PRTG: variants seen among roughly 807,000 people sequenced by gnomAD.
The protein encoded by PRTG is protogenin, also known as immunoglobulin superfamily, DCC subclass, member 5.
PRTG carries 67 observed loss-of-function variants against 122.5 expected under a neutral mutation model. The observed-to-expected ratio is 0.55, with a 90% CI of 0.45 to 0.67. PRTG has a LOEUF of 0.67. Ranked by LOEUF, PRTG falls within the 30% of genes least tolerant of loss-of-function variation. PRTG has a pLI of 0.00. For missense variants in PRTG, 1,435 were observed against 1,415.4 expected (o/e 1.01, Z -0.22); for synonymous variants, 554 against 501.1 (o/e 1.11, Z -1.41).
intron 2 of PRTG, among the ~76,000 whole-genome samples, chr15:55,687,866 T>G (rs1336311276): frequency 6.6e-6 from 1 of 152,194 alleles, no homozygotes; most frequent in Non-Finnish European, 1.5e-5. Flanking sequence ...CCTCTGAGAC[T>G]GAAAGAAAGA....
intron 2 of PRTG, among the ~76,000 whole-genome samples, chr15:55,705,589 G>A (rs950911302): frequency 2.6e-5 from 4 of 151,986 alleles, no homozygotes; most frequent in South Asian, 4.2e-4. Flanking sequence ...GAGTAGCTGC[G>A]ATTACAGGTG....
intron 15 of PRTG, among the ~76,000 whole-genome samples, chr15:55,635,103 G>GTGTGTGTGTGTT (rs1171883359): frequency 1.5e-4 from 17 of 112,858 alleles, no homozygotes; most frequent in East Asian, 2.0e-4. Context: ...GTGTGTGTGT[G>GTGTGTGTGTGTT]TTTTTTGAGA....
At chr15:55,658,927 AC>A (rs1286815276) in intron 11 of PRTG, among the ~76,000 whole-genome samples, 2 of 152,188 alleles carry the variant, frequency 1.3e-5, no homozygotes. Flanking sequence ...TATTTACACA[AC>A]CTACCAAGGA....
chr15:55,666,953 A>T (rs1033669073), intron 11 of PRTG, among the ~76,000 whole-genome samples: 2 of 152,212 alleles, frequency 1.3e-5, no homozygotes, highest in Non-Finnish European at 2.9e-5. Context: ...GCAACAGACA[A>T]GAAACTTATT....
chr15:55,721,811 G>C lies in PRTG; in HGVS notation c.397+18571C>G, dbSNP rs796255533. ...AGGGCAGCAGGAAGGAAAAGAACAA[G>C]AGCTGAGCAAATGGGGAAGCCCTTA... On this transcript the variant is annotated intron_variant, in intron 2 of 19. Transcript: ENST00000389286. Among the ~76,000 whole-genome samples the C allele has an allele frequency of 3.9e-5, 6 of 152,288 alleles. No individual in the cohort carries two copies. The East Asian group carries it at 7.7e-4, about 20-fold the overall frequency.
chr15:55,619,088 G>A lies in PRTG; in HGVS notation c.*924C>T, dbSNP rs2059152983. ...ATACTGGCAAAGTTGAGGATGCTTT[G>A]CAAACTAGACAGTGCAGCCTTTGGC... On this transcript the variant is annotated 3_prime_UTR_variant, in exon 20 of 20. Transcript: ENST00000389286. 1 of 152,106 alleles carries A rather than the reference G, an allele frequency of 6.6e-6. No individual in the cohort carries two copies. Among genetic ancestry groups the A allele is most frequent in the Admixed American group, 6.6e-5 (1 of 15,258 alleles). The allele number at this position is 152,106 out of a possible 1,614,324, so 9.4% of individuals were successfully genotyped here.
intron 2 of PRTG, among the ~76,000 whole-genome samples, chr15:55,732,284 G>A (rs1439399594): frequency 6.6e-6 from 1 of 151,188 alleles, no homozygotes; most frequent in Non-Finnish European, 1.5e-5. Context: ...CGCCTCCTGG[G>A]TTCAAATCTC....
chr15:55,620,687 G>A lies in PRTG; in HGVS notation c.3174C>T (p.Asp1058=). 1 of 1,596,998 alleles carries A rather than the reference G, an allele frequency of 6.3e-7. No homozygotes were observed. Among genetic ancestry groups the A allele is most frequent in the Non-Finnish European group, 8.5e-7 (1 of 1,175,914 alleles). ...CCTGCTCAACTTGTATCTTCTTTGA[G>A]TCTTGGAAAAAAAACCACTTTTTCT... ...NSKKKWFFFQ[D]SKKIQVEQPQ... The change falls in exon 19 of 20, where the codon GAC becomes GAT. Residue 1058 remains aspartate, a synonymous_variant. Transcript: ENST00000389286.
intron 2 of PRTG, among the ~76,000 whole-genome samples, chr15:55,692,104 T>C (rs1233502111): frequency 6.6e-6 from 1 of 152,184 alleles, no homozygotes; most frequent in African/African-American, 2.4e-5. Flanking sequence ...TACCTCAAGC[T>C]AAAATTTAGT....
At chr15:55,712,104 G>A (rs1414086805) in intron 2 of PRTG, among the ~76,000 whole-genome samples, 1 of 152,166 alleles carries the variant, frequency 6.6e-6, no homozygotes, top group African/African-American at 2.4e-5. Flanking sequence ...GCATCCCCAG[G>A]CCTCAAAGTA....
intron 2 of PRTG, among the ~76,000 whole-genome samples, chr15:55,723,844 C>T (rs2030927082): frequency 6.6e-6 from 1 of 151,402 alleles, no homozygotes; most frequent in Non-Finnish European, 1.5e-5. Flanking sequence ...CTCCACCTCC[C>T]AGGTTCAAGC....
chr15:55,684,095 C>T (rs1305463849), intron 2 of PRTG, among the ~76,000 whole-genome samples, 164 bp from the exon 3 acceptor site: 1 of 152,202 alleles, frequency 6.6e-6, no homozygotes, highest in African/African-American at 2.4e-5. Context: ...TTGGAGAAAA[C>T]ACTGGGCAGT....
chr15:55,620,615 TTCATA>T (rs1451844060), intron 19 of PRTG, 43 bp downstream of exon 19: 3 of 1,547,832 alleles, frequency 1.9e-6, no homozygotes, highest in African/African-American at 1.4e-5. Context: ...AAATCATCAT[TTCATA>T]TATCACGCAT....
chr15:55,702,172 A>T (rs573590104), intron 2 of PRTG, among the ~76,000 whole-genome samples: 1 of 152,356 alleles, frequency 6.6e-6, no homozygotes, highest in East Asian at 1.9e-4. Flanking sequence ...TTAAAGAAGA[A>T]AACTTATAAA....
Position 55,615,392 on chromosome 15 carries a change from C to T in PRTG, c.*4620G>A, listed in dbSNP as rs1427248300. On this transcript the variant is annotated 3_prime_UTR_variant, in exon 20 of 20. Coordinates refer to ENST00000389286, the MANE Select transcript of PRTG (RefSeq NM_173814.6). ...ACAAGACTGTCATGTTAATCTTAAA[C>T]ACCATCAACGGCTTAAAAAGGGAAA... The T allele has an allele frequency of 1.3e-5, 2 of 152,102 alleles. No individual in the cohort carries two copies. The highest frequency in any genetic ancestry group is 4.8e-5 in the African/African-American group (2 of 41,422). 9.4% of individuals were successfully genotyped at this position (152,102 alleles called of 1,614,324 possible). A position where few individuals can be genotyped will look rare whatever the true frequency, so the allele number is the denominator to read the frequency against.
rs544526356 is a variant in PRTG, at chr15:55,617,135, C to T, written c.*2877G>A. 2.7e-4 allele frequency: 41 copies of T among 151,986 alleles called. No homozygotes were observed. Among genetic ancestry groups the T allele is most frequent in the Admixed American group, 1.8e-3 (27 of 15,244 alleles). 9.4% of individuals were successfully genotyped at this position (151,986 alleles called of 1,614,324 possible). A position where few individuals can be genotyped will look rare whatever the true frequency, so the allele number is the denominator to read the frequency against. ...AATTACAATTTCATACTTAAGACTT[C>T]AAAGAAGCTTGATTTGGTCAAGTAA... On this transcript the variant is annotated 3_prime_UTR_variant, in exon 20 of 20. Coordinates refer to ENST00000389286, the MANE Select transcript of PRTG (RefSeq NM_173814.6).
At chr15:55,704,032 T>C (rs894514481) in intron 2 of PRTG, among the ~76,000 whole-genome samples, 2 of 152,222 alleles carry the variant, frequency 1.3e-5, no homozygotes, top group African/African-American at 4.8e-5. Context: ...GTAAGCCACA[T>C]TAACCAGCTT....
At chr15:55,689,632 TAAAAA>T (rs5812811) in intron 2 of PRTG, among the ~76,000 whole-genome samples, 1 of 144,096 alleles carries the variant, frequency 6.9e-6, no homozygotes, top group African/African-American at 2.6e-5. Flanking sequence ...GAACTTAAAT[TAAAAA>T]AAAAAAAAGG....
At chr15:55,725,788 T>C (rs2031008966) in intron 2 of PRTG, among the ~76,000 whole-genome samples, 1 of 152,200 alleles carries the variant, frequency 6.6e-6, no homozygotes, top group Non-Finnish European at 1.5e-5. Context: ...ATTTATCTAT[T>C]TGAGACACAG....
Sources: gnomAD v4.1 joint callset for allele counts (sites outside exome capture counted in the v4.1 genomes callset) on GRCh38, gnomAD v4.1.1 for gene constraint, MANE v1.5 for transcripts, NCBI Gene and HGNC (gene_info 2026-07-23, HGNC 2026-07-21) for gene names.